Variants in JAZF1 observed in about 807,000 individuals in gnomAD.
The protein encoded by JAZF1 is JAZF zinc finger 1, also known as juxtaposed with another zinc finger protein 1.
JAZF1 carries 8 observed loss-of-function variants against 26.4 expected under a neutral mutation model. The ratio of observed to expected loss-of-function variants is 0.30; its 90% CI spans 0.18 to 0.55. The LOEUF (loss-of-function observed/expected upper bound fraction) is 0.55, where lower values mean the gene tolerates loss of function less well. Among genes scored for constraint, JAZF1 ranks in the 20% least tolerant of loss-of-function variants. The pLI is 0.94. For missense variants in JAZF1, 199 were observed against 322.0 expected, an observed-to-expected ratio of 0.62 and a Z score of 2.92; for synonymous variants, 126 against 122.3, an observed-to-expected ratio of 1.03 and a Z score of -0.20.
intron 3 of JAZF1, among the ~76,000 whole-genome samples, chr7:27,866,043 C>T (rs1783467406): frequency 6.6e-6 from 1 of 152,148 alleles, no homozygotes; most frequent in Non-Finnish European, 1.5e-5. Context: ...CAGGCTGCTA[C>T]CTAGAATGGG....
At chr7:27,965,723 A>G (rs77466867) in intron 2 of JAZF1, among the ~76,000 whole-genome samples, 10,913 of 152,270 alleles carry the variant, frequency 0.072, 471 homozygotes, top group African/African-American at 0.12. Flanking sequence ...ATGAAAAATG[A>G]AAGAGAAAAA....
chr7:27,988,259 C>T (rs1002673439), intron 2 of JAZF1, among the ~76,000 whole-genome samples: 1 of 151,912 alleles, frequency 6.6e-6, no homozygotes, highest in Non-Finnish European at 1.5e-5. Context: ...TTTAAACAAT[C>T]CCTGTTGGAT....
At chr7:28,024,594 G>A (rs1390222685) in intron 1 of JAZF1, among the ~76,000 whole-genome samples, 2 of 152,174 alleles carry the variant, frequency 1.3e-5, no homozygotes, top group African/African-American at 4.8e-5. Context: ...TAAACAATAA[G>A]TAGCCAAAGG....
intron 1 of JAZF1, among the ~76,000 whole-genome samples, chr7:27,994,459 A>C (rs1785972317): frequency 2.9e-5 from 1 of 34,088 alleles, no homozygotes; most frequent in African/African-American, 9.0e-5. Flanking sequence ...AAAAAACAAA[A>C]AACAAAAAAA....
intron 2 of JAZF1, among the ~76,000 whole-genome samples, chr7:27,986,386 C>A (rs978892105): frequency 6.6e-6 from 1 of 152,044 alleles, no homozygotes; most frequent in Non-Finnish European, 1.5e-5. Context: ...GAATAAAATA[C>A]CTAGGAATAC....
At chr7:27,984,374 T>C (rs1200042871) in intron 2 of JAZF1, among the ~76,000 whole-genome samples, 3 of 152,028 alleles carry the variant, frequency 2.0e-5, no homozygotes, top group African/African-American at 7.2e-5. Flanking sequence ...TACATAATGG[T>C]AAAGGGATCA....
At chr7:28,129,277 T>A (rs73298702) in intron 1 of JAZF1, among the ~76,000 whole-genome samples, 6,619 of 152,050 alleles carry the variant, frequency 0.044, 391 homozygotes, top group African/African-American at 0.14. Context: ...AGTCTGAAGA[T>A]GAAAAAAGAG....
intron 3 of JAZF1, among the ~76,000 whole-genome samples, chr7:27,894,651 T>C (rs139783134): frequency 1.1e-3 from 167 of 152,196 alleles, no homozygotes; most frequent in African/African-American, 3.8e-3. Context: ...GATTACTTGA[T>C]TGGTGAATAG....
rs1201086974 is a variant in JAZF1 at position 28,174,747 on chromosome 7, G to A, written c.115+5716C>T. On this transcript the variant is annotated intron_variant, in intron 1 of 4. Coordinates refer to ENST00000283928, the MANE Select transcript of JAZF1 (RefSeq NM_175061.4). ...TGAGAAGAGGCTAATGGAAAAACCA[G>A]TGAAAACAGAGTTTTGGAGACTGCC... Among the ~76,000 whole-genome samples the A allele has an allele frequency of 3.0e-5, 2 of 67,540 alleles. 1 individual carries two copies. Among genetic ancestry groups the A allele is most frequent in the Non-Finnish European group, 1.1e-4 (2 of 17,570 alleles). 44.3% of individuals were successfully genotyped at this position (67,540 alleles called of 152,430 possible). A position where few individuals can be genotyped will look rare whatever the true frequency, so the allele number is the denominator to read the frequency against.
At chr7:28,023,134 C>T (rs1159764116) in intron 1 of JAZF1, among the ~76,000 whole-genome samples, 2 of 152,140 alleles carry the variant, frequency 1.3e-5, no homozygotes, top group Non-Finnish European at 2.9e-5. Context: ...AGGTTCACAC[C>T]TAGATGAGAT....
chr7:28,124,738 T>A (rs1782668837), intron 1 of JAZF1, among the ~76,000 whole-genome samples: 1 of 152,156 alleles, frequency 6.6e-6, no homozygotes, highest in Non-Finnish European at 1.5e-5. Context: ...ACCAGACACA[T>A]TTAAATAAAG....
chr7:27,887,600 G>C (rs773113648), intron 3 of JAZF1, among the ~76,000 whole-genome samples: 1 of 152,048 alleles, frequency 6.6e-6, no homozygotes, highest in African/African-American at 2.4e-5. Flanking sequence ...ATTTTTAGTA[G>C]AGATGGGGTT....
At chr7:28,084,743 T>G (rs1784187861) in intron 1 of JAZF1, among the ~76,000 whole-genome samples, 1 of 152,206 alleles carries the variant, frequency 6.6e-6, no homozygotes, top group Admixed American at 6.5e-5. Flanking sequence ...TCCCTCTCTC[T>G]TCACACAAGA....
chr7:28,054,179 C>T (rs1783660299), intron 1 of JAZF1, among the ~76,000 whole-genome samples: 1 of 152,168 alleles, frequency 6.6e-6, no homozygotes, highest in Non-Finnish European at 1.5e-5. Context: ...ATATACAAAG[C>T]ACTACTTTCA....
At chr7:28,157,777 T>C (rs1343638435) in intron 1 of JAZF1, among the ~76,000 whole-genome samples, 1 of 152,180 alleles carries the variant, frequency 6.6e-6, no homozygotes, top group Non-Finnish European at 1.5e-5. Context: ...TAGCATGTAA[T>C]GCTAACTCAT....
At chr7:28,069,980 G>A (rs1054672616) in intron 1 of JAZF1, among the ~76,000 whole-genome samples, 4 of 152,072 alleles carry the variant, frequency 2.6e-5, no homozygotes, top group African/African-American at 7.2e-5. Context: ...AAGTCCTCCC[G>A]CGCCTTCTCT....
chr7:28,178,142 A>C (rs1044272970), intron 1 of JAZF1, among the ~76,000 whole-genome samples: 2 of 152,250 alleles, frequency 1.3e-5, no homozygotes, highest in African/African-American at 4.8e-5. Context: ...TAAAAGGACA[A>C]CACTAGCCTT....
intron 1 of JAZF1, among the ~76,000 whole-genome samples, chr7:28,127,699 T>C (rs899826085): frequency 3.9e-5 from 6 of 152,228 alleles, no homozygotes; most frequent in African/African-American, 1.4e-4. Flanking sequence ...AGAGGTTTAA[T>C]TGATTCACAG....
chr7:27,988,034 A>C (rs1785769639), intron 2 of JAZF1, among the ~76,000 whole-genome samples: 2 of 152,184 alleles, frequency 1.3e-5, no homozygotes. Flanking sequence ...TCAAGTACCC[A>C]GGGACACAAA....
Sources: gnomAD v4.1 joint callset for allele counts (sites outside exome capture counted in the v4.1 genomes callset) on GRCh38, gnomAD v4.1.1 for gene constraint, MANE v1.5 for transcripts, NCBI Gene and HGNC (gene_info 2026-07-23, HGNC 2026-07-21) for gene names.